The following CCDC9B variants were observed in gnomAD, a reference collection of about 807,000 sequenced individuals.
CCDC9B encodes coiled-coil domain containing 9B, also known as coiled-coil domain-containing protein 9B.
A neutral mutation model predicts 47.2 loss-of-function variants in CCDC9B; 40 were observed. The observed-to-expected ratio is 0.85, with a 90% CI of 0.66 to 1.10. CCDC9B has a LOEUF of 1.10. Ranked by LOEUF, CCDC9B falls within the 50% of genes least tolerant of loss-of-function variation. The probability of loss-of-function intolerance (pLI) is 0.00; values close to 1 mark genes in which losing one functional copy is unlikely to be tolerated. For synonymous variants in CCDC9B, 238 were observed against 250.7 expected (o/e 0.95, Z 0.48); for missense variants, 662 against 651.0 (o/e 1.02, Z -0.18).
In CCDC9B at chr15:40,335,598, C is replaced by T. The variant is rs773789048; in HGVS notation, c.1033G>A (p.Ala345Thr). 1.7e-5 allele frequency: 26 copies of T among 1,499,592 alleles called. No individual in the cohort carries two copies. Among genetic ancestry groups the T allele is most frequent in the Non-Finnish European group, 1.7e-5 (19 of 1,121,126 alleles). The allele number at this position is 1,499,592 out of a possible 1,614,324, so 92.9% of individuals were successfully genotyped here. Residue 345 changes from alanine to threonine, a missense_variant, in exon 11 of 11, where the codon GCC becomes ACC. Coordinates refer to ENST00000397536, the MANE Select transcript of CCDC9B (RefSeq NM_207380.3). Reference sequence around the variant, plus strand: ...TTCGGCCCCTCTGGGGATGCCAGGGCTGGGCTGGCTGCAGGGGCGCTCCCC... The same window carrying T: ...TTCGGCCCCTCTGGGGATGCCAGGGTTGGGCTGGCTGCAGGGGCGCTCCCC... The part of the protein sequence containing the change: ...RLGSAPAASP[A>T]LASPEGPKGE...
rs200039297 is a variant in CCDC9B, at chr15:40,339,515, G to A, written c.228C>T (p.Pro76=). 2.8e-4 allele frequency: 451 copies of A among 1,613,554 alleles called. No individual in the cohort carries two copies. The highest frequency in any genetic ancestry group is 3.7e-4 in the Non-Finnish European group (437 of 1,179,828). Residue 76 remains proline (P), a synonymous_variant, in exon 3 of 11, where the codon CCC becomes CCT. Coordinates refer to ENST00000397536, the MANE Select transcript of CCDC9B (RefSeq NM_207380.3). The part of the protein sequence containing the change: ...DGLTVTISQV[P]GEKRVVSRNW... The stretch of plus-strand genomic sequence containing the variant: ...TGTCTCCCAGGGTGAGGCTTACACC[G>A]GGAACCTGGCTGATGGTAACGGTGA...
rs753246491 is a variant in CCDC9B at position 40,338,894 on chromosome 15, C to G, written c.241G>C (p.Val81Leu). The G allele has an allele frequency of 6.2e-7, 1 of 1,614,216 alleles. No individual in the cohort carries two copies. Residue 81 changes from valine (V) to leucine (L), a missense_variant, in exon 4 of 11, where the codon GTG becomes CTG. Val to Leu is a conservative substitution (Grantham distance 32). Transcript: ENST00000397536. ...CCCCTTGCCCAGTTCCTGCTAACCACCCGCTTTTCCTGCAGAACAAAGACC... is the reference window on the plus strand; with the variant it reads ...CCCCTTGCCCAGTTCCTGCTAACCAGCCGCTTTTCCTGCAGAACAAAGACC... ...TISQVPGEKRVVSRNWARGTC... is the reference protein window; with the variant it reads ...TISQVPGEKRLVSRNWARGTC...
At chr15:40,336,511 A>G in intron 9 of CCDC9B, 63 bp downstream of exon 9, 1 of 1,586,814 alleles carries the variant, frequency 6.3e-7, no homozygotes, top group South Asian at 1.1e-5. Context: ...CTGGGCCTGT[A>G]CTGGTCCAGG....
chr15:40,335,184 G>A lies in CCDC9B; in HGVS notation c.1447C>T (p.Arg483Cys), dbSNP rs369701147. Reference protein sequence around the residue: ...GTAGVRRRTGRPGPAGRC With the variant: ...GTAGVRRRTGCPGPAGRC ...CAGCATCTTCCTGCCGGGCCAGGGC[G>A]CCCTGTCCTGCGCCTCACACCTGCT... Residue 483 changes from arginine (R) to cysteine (C), a missense_variant, in exon 11 of 11, where the codon CGC becomes TGC. Physicochemically the swap from Arg to Cys is radical, Grantham distance 180. Coordinates refer to ENST00000397536, the MANE Select transcript of CCDC9B (RefSeq NM_207380.3). The A allele has an allele frequency of 2.7e-5, 41 of 1,521,020 alleles. No homozygotes were observed. Among genetic ancestry groups the A allele is most frequent in the Non-Finnish European group, 3.1e-5 (35 of 1,133,398 alleles). The allele number at this position is 1,521,020 out of a possible 1,614,324, so 94.2% of individuals were successfully genotyped here.
At chr15:40,339,219 G>T in intron 3 of CCDC9B, 1 of 584,758 alleles carries the variant, frequency 1.7e-6, no homozygotes, top group Non-Finnish European at 3.0e-6. Flanking sequence ...CCCACTTCCT[G>T]CAGGGTTTTA....
chr15:40,339,233 C>T lies in CCDC9B; in HGVS notation c.231+279G>A. The stretch of plus-strand genomic sequence containing the variant: ...CCCCACTTCCTGCAGGGTTTTAGCC[C>T]CTGGGGCTTGAGGTTTAGGAGTGGC... On this transcript the variant is annotated intron_variant, in intron 3 of 10. Coordinates refer to ENST00000397536, the MANE Select transcript of CCDC9B (RefSeq NM_207380.3). 1.4e-5 allele frequency: 8 copies of T among 582,578 alleles called. No individual in the cohort carries two copies. In the South Asian group the frequency reaches 1.6e-4, roughly 12 times the overall value. 36.1% of individuals were successfully genotyped at this position (582,578 alleles called of 1,614,324 possible).
At position 40,340,893 on chromosome 15, in the gene CCDC9B, G is replaced by A. The variant is rs758512709; in HGVS notation, c.-74C>T. 3.6e-5 allele frequency: 58 copies of A among 1,607,852 alleles called. No homozygotes were observed. The highest frequency in any genetic ancestry group is 4.0e-5 in the African/African-American group (3 of 74,468). Reference sequence around the variant, plus strand: ...GAGTGGGAGGAAAGCTGGAGCCACCGGAGCCGGGCCTCTGCCGGCCTCTCC... The same window carrying A: ...GAGTGGGAGGAAAGCTGGAGCCACCAGAGCCGGGCCTCTGCCGGCCTCTCC... On this transcript the variant is annotated 5_prime_UTR_variant, in exon 1 of 11. Coordinates refer to ENST00000397536, the MANE Select transcript of CCDC9B (RefSeq NM_207380.3).
chr15:40,335,882 C>T (rs1283845805), intron 9 of CCDC9B, 56 bp from the exon 10 acceptor site: 1 of 1,578,152 alleles, frequency 6.3e-7, no homozygotes, highest in Non-Finnish European at 8.6e-7. Flanking sequence ...GAGCCATGTC[C>T]CCCTGCCTGA....
In CCDC9B at chr15:40,335,314, C is replaced by T. The variant is rs748397358; in HGVS notation, c.1317G>A (p.Gly439=). Residue 439 remains glycine (G), a synonymous_variant, in exon 11 of 11, where the codon GGG becomes GGA. Coordinates refer to ENST00000397536, the MANE Select transcript of CCDC9B (RefSeq NM_207380.3). ...QTCPEPQRGA[G]LPEPGEDRSG... ...ACCTGTCTTCTCCGGGCTCTGGGAGCCCTGCTCCTCTCTGTGGCTCAGGGC... is the reference window on the plus strand; with the variant it reads ...ACCTGTCTTCTCCGGGCTCTGGGAGTCCTGCTCCTCTCTGTGGCTCAGGGC... 2.2e-5 allele frequency: 36 copies of T among 1,613,588 alleles called. No individual in the cohort carries two copies. The East Asian group carries it at 8.0e-4, about 36-fold the overall frequency.
rs751507031 is a variant in CCDC9B, at chr15:40,340,055, C to T, written c.13-40G>A. ...AACCCAAGCTCCTGACTTCCGGGTC[C>T]CCCTCTCACCAGTCCCCAGCTTTCA... On this transcript the variant is annotated intron_variant, in intron 1 of 10. Coordinates refer to ENST00000397536, the MANE Select transcript of CCDC9B (RefSeq NM_207380.3). 11 of 1,291,126 alleles carry T rather than the reference C, an allele frequency of 8.5e-6. No homozygotes were observed. In the Admixed American group the frequency reaches 1.8e-4, roughly 21 times the overall value. The allele number at this position is 1,291,126 out of a possible 1,614,324, so 80.0% of individuals were successfully genotyped here.
At chr15:40,337,063 C>T in intron 7 of CCDC9B, 1 of 605,662 alleles carries the variant, frequency 1.7e-6, no homozygotes, top group South Asian at 2.0e-5. Flanking sequence ...ACCAGAACTC[C>T]ACAGAGCTGT....
intron 6 of CCDC9B, 89 bp downstream of exon 6, chr15:40,337,635 C>A: frequency 7.0e-7 from 1 of 1,431,434 alleles, no homozygotes; most frequent in Non-Finnish European, 9.4e-7. Flanking sequence ...TCCTCTCAAC[C>A]CCGAGGAGGG....
chr15:40,337,836 A>G lies in CCDC9B; in HGVS notation c.571T>C (p.Tyr191His). The G allele has an allele frequency of 6.2e-7, 1 of 1,609,990 alleles. No individual in the cohort carries two copies. ...VGEPPEAGWD[Y>H]AQWKQEREQI... ...TCCCGCTCCTGCTTCCACTGGGCATAGTCCCAGCCCGCCTCCGGGGGCTCC... is the reference window on the plus strand; with the variant it reads ...TCCCGCTCCTGCTTCCACTGGGCATGGTCCCAGCCCGCCTCCGGGGGCTCC... Residue 191 changes from tyrosine to histidine, a missense_variant, in exon 6 of 11, where the codon TAT becomes CAT. Transcript: ENST00000397536.
intron 6 of CCDC9B, 48 bp from the exon 7 acceptor site, chr15:40,337,494 G>A (rs747848255): frequency 3.3e-5 from 49 of 1,482,954 alleles, no homozygotes; most frequent in Non-Finnish European, 4.3e-5. Flanking sequence ...AAGCTGCCGC[G>A]GGCCCCACCC....
Position 40,334,899 on chromosome 15 carries a change from A to C in CCDC9B, c.*259T>G. The C allele has an allele frequency of 2.9e-6, 1 of 349,354 alleles. No homozygotes were observed. The highest frequency in any genetic ancestry group is 5.2e-6 in the Non-Finnish European group (1 of 193,350). The allele number at this position is 349,354 out of a possible 1,614,324, so 21.6% of individuals were successfully genotyped here. Reference sequence around the variant, plus strand: ...GCCCAGGTCAGGGTGCACCAGCCTCAGATGCCAGATACTAGTACAGGAATA... The same window carrying C: ...GCCCAGGTCAGGGTGCACCAGCCTCCGATGCCAGATACTAGTACAGGAATA... On this transcript the variant is annotated 3_prime_UTR_variant, in exon 11 of 11. Transcript: ENST00000397536.
intron 10 of CCDC9B, 40 bp downstream of exon 10, chr15:40,335,744 C>T (rs988455897): frequency 8.1e-6 from 13 of 1,597,276 alleles, no homozygotes; most frequent in East Asian, 2.2e-5. Context: ...ATCCAGGGCT[C>T]GCGTCCCCAG....
intron 9 of CCDC9B, chr15:40,336,266 T>C (rs1888957115): frequency 1.0e-6 from 1 of 985,314 alleles, no homozygotes; most frequent in African/African-American, 1.7e-5. Flanking sequence ...CTGCTGTTTA[T>C]GGCCAAACTT....
Position 40,332,452 on chromosome 15 carries a change from C to T in CCDC9B, c.*2706G>A, listed in dbSNP as rs1888875517. On this transcript the variant is annotated 3_prime_UTR_variant, in exon 11 of 11. Coordinates refer to ENST00000397536, the MANE Select transcript of CCDC9B (RefSeq NM_207380.3). ...TCTGTTCCCTCCAATGTCTATAACT[C>T]CTGTGATATTCCTCCTCCTGACATC... is the stretch of plus-strand genomic sequence containing the variant. 6.6e-6 allele frequency: 1 copy of T among 152,272 alleles called. No homozygotes were observed. Among genetic ancestry groups the T allele is most frequent in the Non-Finnish European group, 1.5e-5 (1 of 68,076 alleles). 9.4% of individuals were successfully genotyped at this position (152,272 alleles called of 1,614,324 possible).
Position 40,334,063 on chromosome 15 carries a change from C to T in CCDC9B, c.*1095G>A, listed in dbSNP as rs1042613408. 2.6e-5 allele frequency: 4 copies of T among 152,772 alleles called. No homozygotes were observed. The highest frequency in any genetic ancestry group is 4.4e-5 in the Non-Finnish European group (3 of 68,108). The allele number at this position is 152,772 out of a possible 1,614,324, so 9.5% of individuals were successfully genotyped here. A position where few individuals can be genotyped will look rare whatever the true frequency, so the allele number is the denominator to read the frequency against. ...AGCTCCCGCCCAGAACAGCCCAGAT[C>T]TGCCGGATGACTGGCTTTCTTCCCT... is the stretch of plus-strand genomic sequence containing the variant. On this transcript the variant is annotated 3_prime_UTR_variant, in exon 11 of 11. Transcript: ENST00000397536.
Sources: allele counts gnomAD v4.1 joint callset, GRCh38; gene constraint gnomAD v4.1.1; transcripts MANE v1.5; gene names NCBI Gene and HGNC (gene_info 2026-07-23, HGNC 2026-07-21).